The following MGAT4C variants were observed in gnomAD, a reference collection of about 807,000 sequenced individuals.
MGAT4C encodes the protein alpha-1,3-mannosyl-glycoprotein 4-beta-N-acetylglucosaminyltransferase C.
Under a neutral mutation model 40.1 loss-of-function variants are expected in MGAT4C, and 19 were observed. That is an observed-to-expected ratio of 0.47 (90% CI 0.33 to 0.70). The LOEUF is 0.70. Ranked by LOEUF, MGAT4C falls within the 30% of genes least tolerant of loss-of-function variation. MGAT4C has a pLI of 0.02. For missense variants in MGAT4C, 491 were observed against 563.2 expected (o/e 0.87, Z 1.30); for synonymous variants, 181 against 187.1 (o/e 0.97, Z 0.27).
At chr12:86,631,932 G>T (rs1963059583) in intron 2 of MGAT4C, among the ~76,000 whole-genome samples, 1 of 152,060 alleles carries the variant, frequency 6.6e-6, no homozygotes, top group South Asian at 2.1e-4. Context: ...AAGAGCTTCT[G>T]CACAGCAACA....
At position 86,207,531 on chromosome 12, in the gene MGAT4C, G is replaced by A. The variant is rs1249147761; in HGVS notation, c.-57+48708C>T. ...TATGCATTTTGAAGAATGAATACAA[G>A]TTTGTCAGGTACAAAAATACAATAA... is the stretch of plus-strand genomic sequence containing the variant. On this transcript the variant is annotated intron_variant, in intron 1 of 4. Transcript: ENST00000611864. 4.0e-5 allele frequency among the ~76,000 whole-genome samples: 6 copies of A among 151,860 alleles called. No homozygotes were observed. In the East Asian group the frequency reaches 1.2e-3, roughly 30 times the overall value.
At chr12:86,665,116 T>C (rs1233252044) in intron 2 of MGAT4C, among the ~76,000 whole-genome samples, 4 of 151,894 alleles carry the variant, frequency 2.6e-5, no homozygotes, top group African/African-American at 9.7e-5. Flanking sequence ...TTAGACAAAC[T>C]GTCTTTAAGA....
chr12:86,014,498 A>G (rs563804361), intron 2 of MGAT4C, among the ~76,000 whole-genome samples: 199 of 152,262 alleles, frequency 1.3e-3, no homozygotes, highest in South Asian at 6.2e-3. Flanking sequence ...AAATGATCTC[A>G]GTTAACCCAG....
At chr12:86,018,365 C>T (rs962294690) in intron 2 of MGAT4C, among the ~76,000 whole-genome samples, 8 of 152,302 alleles carry the variant, frequency 5.3e-5, no homozygotes, top group South Asian at 2.1e-4. Flanking sequence ...CTTAACCTCA[C>T]GTCAGGGAAA....
intron 2 of MGAT4C, among the ~76,000 whole-genome samples, chr12:86,600,078 T>C (rs1333191104): frequency 6.6e-6 from 1 of 152,150 alleles, no homozygotes; most frequent in Non-Finnish European, 1.5e-5. Flanking sequence ...ACTTTTGGGG[T>C]ACTTTCTCTA....
chr12:86,215,234 A>G (rs1034386913), intron 1 of MGAT4C, among the ~76,000 whole-genome samples: 1 of 152,166 alleles, frequency 6.6e-6, no homozygotes, highest in Non-Finnish European at 1.5e-5. Context: ...TACATTTTGT[A>G]TATGTAAGTT....
chr12:86,450,503 T>C (rs1428162249), intron 2 of MGAT4C, among the ~76,000 whole-genome samples: 1 of 152,146 alleles, frequency 6.6e-6, no homozygotes, highest in African/African-American at 2.4e-5. Flanking sequence ...GAAGTTCTTA[T>C]TTTTACCATA....
At chr12:86,592,473 T>G (rs2136449980) in intron 2 of MGAT4C, among the ~76,000 whole-genome samples, 1 of 152,250 alleles carries the variant, frequency 6.6e-6, no homozygotes, top group East Asian at 1.9e-4. Flanking sequence ...AAGTTTCACA[T>G]TTTTTAAAAA....
rs1004076198 is a variant in MGAT4C at position 85,961,025 on chromosome 12, T to C, written c.*18264A>G. 2.6e-5 allele frequency: 4 copies of C among 151,998 alleles called. No homozygotes were observed. Among genetic ancestry groups the C allele is most frequent in the African/African-American group, 9.7e-5 (4 of 41,440 alleles). The allele number at this position is 151,998 out of a possible 1,614,324, so 9.4% of individuals were successfully genotyped here. A position where few individuals can be genotyped will look rare whatever the true frequency, so the allele number is the denominator to read the frequency against. ...AACAAAGTCAGTCACCTAAATGACT[T>C]TCTGACTATAAATTTGAAAACAATA... is the stretch of plus-strand genomic sequence containing the variant. On this transcript the variant is annotated 3_prime_UTR_variant, in exon 5 of 5. Transcript: ENST00000611864.
At chr12:86,078,463 T>G (rs887246306) in intron 1 of MGAT4C, among the ~76,000 whole-genome samples, 4 of 152,226 alleles carry the variant, frequency 2.6e-5, no homozygotes, top group African/African-American at 9.6e-5. Context: ...AAGCACTGCA[T>G]GCAGGATAGG....
intron 2 of MGAT4C, among the ~76,000 whole-genome samples, chr12:86,688,570 G>T (rs1238939850): frequency 6.6e-6 from 1 of 152,118 alleles, no homozygotes; most frequent in African/African-American, 2.4e-5. Context: ...GCAGTTGCTT[G>T]TCTGTGAAGA....
At chr12:86,000,123 T>TA (rs1311816061) in intron 2 of MGAT4C, among the ~76,000 whole-genome samples, 2 of 152,054 alleles carry the variant, frequency 1.3e-5, no homozygotes. Flanking sequence ...CACACAAATA[T>TA]GTAAAATTGT....
At chr12:86,357,294 G>C (rs1003255377) in intron 3 of MGAT4C, among the ~76,000 whole-genome samples, 2 of 152,026 alleles carry the variant, frequency 1.3e-5, no homozygotes, top group Non-Finnish European at 2.9e-5. Flanking sequence ...CAAACAGAAA[G>C]GACATCCACA....
chr12:86,666,740 T>C (rs559441716), intron 2 of MGAT4C, among the ~76,000 whole-genome samples: 26 of 152,314 alleles, frequency 1.7e-4, no homozygotes, highest in South Asian at 1.0e-3. Flanking sequence ...TGAGGTATTA[T>C]GAGTTTAGCA....
Position 86,427,548 on chromosome 12 carries a change from G to A in MGAT4C, c.-120+7609C>T, listed in dbSNP as rs113487957. On this transcript the variant is annotated intron_variant, in intron 3 of 7. Coordinates refer to the MGAT4C transcript ENST00000548651. ...CACTCTAGCACACACATGCACATGT[G>A]CACACACCCTCTTATCCATTCAGGA... 4.7e-3 allele frequency among the ~76,000 whole-genome samples: 716 copies of A among 151,948 alleles called. 3 individuals are homozygous for A. Among genetic ancestry groups the A allele is most frequent in the African/African-American group, 0.017 (687 of 41,426 alleles).
At chr12:86,532,471 C>A (rs1057466623) in intron 2 of MGAT4C, among the ~76,000 whole-genome samples, 1 of 151,940 alleles carries the variant, frequency 6.6e-6, no homozygotes, top group African/African-American at 2.4e-5. Flanking sequence ...AATTTGTACA[C>A]CACAGTAATT....
chr12:86,617,263 TAAC>T (rs1962481296), intron 2 of MGAT4C, among the ~76,000 whole-genome samples: 1 of 152,212 alleles, frequency 6.6e-6, no homozygotes, highest in Admixed American at 6.5e-5. Flanking sequence ...TGTGCAATTT[TAAC>T]AATCTAACGT....
chr12:86,807,207 C>T (rs536024612), intron 1 of MGAT4C, among the ~76,000 whole-genome samples: 10 of 152,004 alleles, frequency 6.6e-5, no homozygotes, highest in Admixed American at 5.9e-4. Flanking sequence ...GTTTGCTGCA[C>T]CTATCAAAAC....
chr12:86,553,445 A>G (rs887205775), intron 2 of MGAT4C, among the ~76,000 whole-genome samples: 2 of 106,720 alleles, frequency 1.9e-5, no homozygotes, highest in Non-Finnish European at 3.9e-5. Context: ...AGTTTACCCT[A>G]GACTTTTAAA....
Sources: gnomAD v4.1 joint callset for allele counts (sites outside exome capture counted in the v4.1 genomes callset) on GRCh38, gnomAD v4.1.1 for gene constraint, MANE v1.5 for transcripts, NCBI Gene and HGNC (gene_info 2026-07-23, HGNC 2026-07-21) for gene names.